The following MBD5 variants were observed in gnomAD, a reference collection of about 807,000 sequenced individuals.
MBD5 encodes the protein methyl-CpG-binding domain protein 5.
In MBD5, 13 loss-of-function variants were observed where a neutral mutation model predicts 117.3. That is an observed-to-expected ratio of 0.11 (90% CI 0.07 to 0.18). The LOEUF (loss-of-function observed/expected upper bound fraction) is 0.18. Among genes scored for constraint, MBD5 ranks in the 10% least tolerant of loss-of-function variants. MBD5 has a pLI of 1.00. For missense variants in MBD5, 1,879 were observed against 2,093.8 expected (o/e 0.90, Z 2.00); for synonymous variants, 727 against 766.4 (o/e 0.95, Z 0.85).
intron 4 of MBD5, among the ~76,000 whole-genome samples, chr2:148,457,233 A>G (rs1477513802): frequency 1.3e-5 from 2 of 152,136 alleles, no homozygotes; most frequent in Admixed American, 1.3e-4. Flanking sequence ...TCTGTGGACA[A>G]TGCTGCCACT....
chr2:148,030,197 G>A (rs1413650006), intron 1 of MBD5, among the ~76,000 whole-genome samples: 1 of 151,946 alleles, frequency 6.6e-6, no homozygotes, highest in East Asian at 1.9e-4. Context: ...CTTCAACTCA[G>A]GAGGCAGAGG....
chr2:148,045,525 G>A (rs1210903544), intron 1 of MBD5, among the ~76,000 whole-genome samples: 1 of 152,148 alleles, frequency 6.6e-6, no homozygotes, highest in African/African-American at 2.4e-5. Context: ...TGTATGTATG[G>A]CATTTAATCC....
At chr2:148,249,940 A>G (rs915262750) in intron 3 of MBD5, among the ~76,000 whole-genome samples, 4 of 152,186 alleles carry the variant, frequency 2.6e-5, no homozygotes, top group Admixed American at 1.3e-4. Context: ...AAAGTATTAT[A>G]TAAAATGTAA....
intron 3 of MBD5, among the ~76,000 whole-genome samples, chr2:148,340,562 T>C (rs563061019): frequency 1.3e-5 from 2 of 152,140 alleles, no homozygotes; most frequent in African/African-American, 4.8e-5. Flanking sequence ...GATATCGATA[T>C]GTAGTGTTTT....
intron 4 of MBD5, among the ~76,000 whole-genome samples, chr2:148,383,896 G>C (rs1197184182): frequency 6.6e-6 from 1 of 152,116 alleles, no homozygotes; most frequent in Admixed American, 6.5e-5. Context: ...AAAGGCCTTT[G>C]ACAAAATTCA....
intron 4 of MBD5, among the ~76,000 whole-genome samples, chr2:148,361,366 CA>C (rs59893022): frequency 0.25 from 36,368 of 144,844 alleles, 5,595 homozygotes; most frequent in African/African-American, 0.45. Context: ...ACAAACAAAA[CA>C]AAAAAAAAAA....
chr2:148,205,428 CA>C (rs1476860259), intron 2 of MBD5, among the ~76,000 whole-genome samples: 1 of 150,746 alleles, frequency 6.6e-6, no homozygotes, highest in Admixed American at 6.6e-5. Flanking sequence ...TTAAAGCTGA[CA>C]AAAAATAAAA....
chr2:148,178,919 A>G (rs1698450722), intron 2 of MBD5, 126 bp downstream of exon 2: 1 of 391,556 alleles, frequency 2.6e-6, no homozygotes, highest in Non-Finnish European at 4.5e-6. Context: ...TCACAACTGC[A>G]TTCATTCATA....
intron 7 of MBD5, among the ~76,000 whole-genome samples, chr2:148,465,310 AC>A (rs1707227298): frequency 6.6e-6 from 1 of 152,048 alleles, no homozygotes; most frequent in South Asian, 2.1e-4. Context: ...TTATTGAAGT[AC>A]CCTTTTCCCT....
intron 4 of MBD5, among the ~76,000 whole-genome samples, chr2:148,384,163 G>C (rs1704261137): frequency 6.6e-6 from 1 of 152,144 alleles, no homozygotes; most frequent in Non-Finnish European, 1.5e-5. Flanking sequence ...AAAAGAGGAA[G>C]TCAAATTGTC....
At chr2:148,380,124 G>C (rs550611061) in intron 4 of MBD5, among the ~76,000 whole-genome samples, 1 of 152,160 alleles carries the variant, frequency 6.6e-6, no homozygotes, top group South Asian at 2.1e-4. Flanking sequence ...AATATGACTA[G>C]AGATAGGGAA....
chr2:148,294,506 T>TTTTTTTTTGTTTTTTTTGTTTTGTTTTG (rs1397412173), intron 3 of MBD5, among the ~76,000 whole-genome samples: 6 of 130,642 alleles, frequency 4.6e-5, no homozygotes, highest in African/African-American at 1.8e-4. Flanking sequence ...TTACAGTTTT[T>TTTTTTTTTGTTTTTTTTGTTTTGTTTTG]TTTTTTTTTT....
intron 3 of MBD5, among the ~76,000 whole-genome samples, chr2:148,310,315 T>C (rs1362894409): frequency 6.6e-6 from 1 of 152,220 alleles, no homozygotes; most frequent in Non-Finnish European, 1.5e-5. Flanking sequence ...ACTGCCTCAA[T>C]TTCAGAACTT....
At chr2:148,252,453 C>G (rs1178812992) in intron 3 of MBD5, among the ~76,000 whole-genome samples, 33 of 151,514 alleles carry the variant, frequency 2.2e-4, no homozygotes, top group Non-Finnish European at 1.5e-5. Context: ...AGAGTGAGAT[C>G]CTGTCTCAAA....
intron 3 of MBD5, among the ~76,000 whole-genome samples, chr2:148,259,494 A>T (rs1462750149): frequency 6.6e-6 from 1 of 152,156 alleles, no homozygotes; most frequent in East Asian, 1.9e-4. Context: ...ACCCAGAATC[A>T]GTGGGGACCA....
intron 5 of MBD5, 41 bp downstream of exon 5, chr2:148,458,912 C>A: frequency 6.7e-7 from 1 of 1,489,740 alleles, no homozygotes; most frequent in Non-Finnish European, 9.4e-7. Context: ...CAAAGTTGTA[C>A]TCCAAAGACT....
At chr2:148,376,440 T>C (rs6731199) in intron 4 of MBD5, among the ~76,000 whole-genome samples, 74,896 of 149,734 alleles carry the variant, frequency 0.5, 19,031 homozygotes, top group East Asian at 0.75. Flanking sequence ...GCTAATTTTT[T>C]GTATTTTTAG....
chr2:148,312,153 C>G (rs1323847492), intron 3 of MBD5, among the ~76,000 whole-genome samples: 1 of 152,126 alleles, frequency 6.6e-6, no homozygotes, highest in Non-Finnish European at 1.5e-5. Flanking sequence ...CAAGGAGTAT[C>G]TTTGTGGTGT....
chr2:148,153,440 G>T (rs12998919), intron 1 of MBD5, among the ~76,000 whole-genome samples: 48,464 of 126,250 alleles, frequency 0.38, 9,231 homozygotes, highest in Middle Eastern at 0.49. Context: ...TTCTCGAGGA[G>T]TATCTTTGTG....
Sources: gnomAD v4.1 joint callset for allele counts (sites outside exome capture counted in the v4.1 genomes callset) on GRCh38, gnomAD v4.1.1 for gene constraint, MANE v1.5 for transcripts, NCBI Gene and HGNC (gene_info 2026-07-23, HGNC 2026-07-21) for gene names.